Variants in RANBP2 observed in about 807,000 individuals in gnomAD.
RANBP2 encodes the protein RAN binding protein 2, also known as E3 SUMO-protein ligase RanBP2.
In RANBP2, 57 loss-of-function variants were observed where a neutral mutation model predicts 303.6. The observed-to-expected ratio is 0.19, with a 90% CI of 0.15 to 0.23. RANBP2 has a LOEUF of 0.23. Ranked by LOEUF, RANBP2 falls within the 10% of genes least tolerant of loss-of-function variation. The pLI, the probability that RANBP2 is intolerant of heterozygous loss-of-function variation, is 1.00. For missense variants in RANBP2, 3,138 were observed against 3,780.8 expected (o/e 0.83, Z 4.46); for synonymous variants, 1,167 against 1,301.5 (o/e 0.90, Z 2.23).
chr2:108,964,221 G>A, the RANBP2 span, among the ~76,000 whole-genome samples: 14 of 152,152 alleles, frequency 9.2e-5, no homozygotes, highest in South Asian at 2.1e-4. Context: ...GATGGGGCAC[G>A]TTTTTTATTT....
At chr2:109,020,598 A>AC in the RANBP2 span, among the ~76,000 whole-genome samples, 3 of 152,134 alleles carry the variant, frequency 2.0e-5, no homozygotes, top group Non-Finnish European at 4.4e-5. Context: ...GGAAGAAGAA[A>AC]CCCCACAATG....
At chr2:109,412,427 T>C in the RANBP2 span, among the ~76,000 whole-genome samples, 2 of 152,340 alleles carry the variant, frequency 1.3e-5, no homozygotes, top group Non-Finnish European at 2.9e-5. Flanking sequence ...AGCTTGGCTG[T>C]TTCTGGAGCA....
chr2:109,593,085 C>A, the RANBP2 span: 1 of 1,599,992 alleles, frequency 6.3e-7, no homozygotes. Flanking sequence ...TGAAGACATA[C>A]AAGTTGTTTT....
At chr2:109,565,074 C>T in the RANBP2 span, among the ~76,000 whole-genome samples, 12,032 of 152,144 alleles carry the variant, frequency 0.079, 639 homozygotes, top group Non-Finnish European at 0.12. Flanking sequence ...TCTATGTTTA[C>T]GGTGACCAGA....
chr2:108,973,656 C>T, the RANBP2 span, among the ~76,000 whole-genome samples: 1 of 152,170 alleles, frequency 6.6e-6, no homozygotes, highest in African/African-American at 2.4e-5. Context: ...TTCCAGGGGT[C>T]GTGTGTCCTA....
chr2:109,076,913 A>G, the RANBP2 span, among the ~76,000 whole-genome samples: 1 of 150,584 alleles, frequency 6.6e-6, no homozygotes, highest in Non-Finnish European at 1.5e-5. Flanking sequence ...ATATGGTACC[A>G]CAAAAGATCC....
the RANBP2 span, among the ~76,000 whole-genome samples, chr2:109,608,044 T>G: frequency 6.6e-6 from 1 of 152,250 alleles, no homozygotes; most frequent in East Asian, 1.9e-4. Flanking sequence ...AATTTGTCAG[T>G]GAGAACATTT....
chr2:109,568,091 G>A, the RANBP2 span: 11 of 777,650 alleles, frequency 1.4e-5, no homozygotes, highest in African/African-American at 8.8e-5. Context: ...AACCTAGATC[G>A]GGGGGCTGGC....
At chr2:109,379,407 G>A in the RANBP2 span, among the ~76,000 whole-genome samples, 1 of 152,042 alleles carries the variant, frequency 6.6e-6, no homozygotes, top group African/African-American at 2.4e-5. Flanking sequence ...CCGTCCCGTG[G>A]TCCCACTCTC....
chr2:109,611,507 C>T, the RANBP2 span, among the ~76,000 whole-genome samples: 12 of 151,972 alleles, frequency 7.9e-5, no homozygotes, highest in Non-Finnish European at 1.6e-4. Flanking sequence ...AGAAAATAGG[C>T]AACATGTTGG....
chr2:108,923,676 T>C, the RANBP2 span, among the ~76,000 whole-genome samples: 22 of 152,370 alleles, frequency 1.4e-4, no homozygotes, highest in East Asian at 4.2e-3. Flanking sequence ...AACGTGGGCC[T>C]TTCTTTTGAT....
At chr2:108,747,535 T>C (rs1255248477) in intron 8 of RANBP2, among the ~76,000 whole-genome samples, 1 of 152,252 alleles carries the variant, frequency 6.6e-6, no homozygotes. Context: ...TCACTTTTTT[T>C]TGTGGGAGTT....
chr2:108,808,827 A>G, the RANBP2 span, among the ~76,000 whole-genome samples: 3 of 151,272 alleles, frequency 2.0e-5, no homozygotes, highest in Non-Finnish European at 4.4e-5. Flanking sequence ...ATTGTTTCCA[A>G]TCTCATTTGT....
At chr2:109,614,368 G>A in the RANBP2 span, 8 of 813,922 alleles carry the variant, frequency 9.8e-6, no homozygotes, top group Non-Finnish European at 1.3e-5. Flanking sequence ...GGCCTCAGAC[G>A]CGTAGGCTGG....
At chr2:108,830,205 A>G in the RANBP2 span, among the ~76,000 whole-genome samples, 247 of 152,314 alleles carry the variant, frequency 1.6e-3, no homozygotes, top group Admixed American at 5.5e-3. Flanking sequence ...AGTACCTAGA[A>G]TAGTCAAATT....
chr2:108,721,326 T>A (rs189437781), intron 1 of RANBP2, among the ~76,000 whole-genome samples: 149 of 152,334 alleles, frequency 9.8e-4, no homozygotes, highest in African/African-American at 3.4e-3. Context: ...GATATCTACT[T>A]GTACATTGTA....
At chr2:108,936,492 C>G in the RANBP2 span, among the ~76,000 whole-genome samples, 1 of 152,096 alleles carries the variant, frequency 6.6e-6, no homozygotes, top group Non-Finnish European at 1.5e-5. Flanking sequence ...GCTCCCTGCC[C>G]ACCCAGCGCT....
the RANBP2 span, among the ~76,000 whole-genome samples, chr2:109,664,956 A>G: frequency 6.6e-6 from 1 of 152,008 alleles, no homozygotes; most frequent in Non-Finnish European, 1.5e-5. Flanking sequence ...ACCAAAATCA[A>G]AAACAAAATG....
chr2:109,405,280 G>T, the RANBP2 span, among the ~76,000 whole-genome samples: 1 of 152,086 alleles, frequency 6.6e-6, no homozygotes, highest in Admixed American at 6.5e-5. Flanking sequence ...TATTCCATCT[G>T]TTCCTCAAGG....
Sources: allele counts gnomAD v4.1 joint callset (sites outside exome capture counted in the v4.1 genomes callset), GRCh38; gene constraint gnomAD v4.1.1; transcripts MANE v1.5; gene names NCBI Gene and HGNC (gene_info 2026-07-23, HGNC 2026-07-21).